Variants in KRT7 observed in about 807,000 individuals in gnomAD.
KRT7 encodes keratin 7.
Under a neutral mutation model 42.8 loss-of-function variants are expected in KRT7, and 50 were observed. The ratio of observed to expected loss-of-function variants is 1.17; its 90% CI spans 0.93 to 1.48. KRT7 has a LOEUF of 1.48. KRT7 is among the 40% of genes most tolerant of loss of function. The pLI is 0.00. For missense variants in KRT7, 588 were observed against 637.6 expected, an observed-to-expected ratio of 0.92 and a Z score of 0.84; for synonymous variants, 268 against 266.3, an observed-to-expected ratio of 1.01 and a Z score of -0.06.
intron 7 of KRT7, among the ~76,000 whole-genome samples, chr12:52,246,894 T>A (rs925060853): frequency 6.6e-6 from 1 of 151,928 alleles, no homozygotes; most frequent in Non-Finnish European, 1.5e-5. Flanking sequence ...CTTCCTCCCA[T>A]GGGAAGAAAA....
At chr12:52,234,144 C>CCCCTCCCCT (rs1191662645) in intron 1 of KRT7, among the ~76,000 whole-genome samples, 1 of 149,854 alleles carries the variant, frequency 6.7e-6, no homozygotes, top group Non-Finnish European at 1.5e-5. Flanking sequence ...GGGGCTCCCG[C>CCCCTCCCCT]CCCTCCCCTC....
At chr12:52,238,801 T>A (rs759030717) in intron 4 of KRT7, 26 bp downstream of exon 4, 1 of 1,404,172 alleles carries the variant, frequency 7.1e-7, no homozygotes, top group Non-Finnish European at 1.0e-6. Context: ...CTGGGTGACA[T>A]GTCTTATCCT....
downstream of KRT7, chr12:52,255,232 C>T (rs535964417): frequency 5.0e-5 from 20 of 403,914 alleles, no homozygotes; most frequent in East Asian, 8.0e-4. Flanking sequence ...TCCACCTCTC[C>T]GAACTACAGA....
intron 7 of KRT7, chr12:52,247,055 G>GGGAACA (rs1420056488): frequency 1.3e-5 from 2 of 152,160 alleles, no homozygotes; most frequent in Non-Finnish European, 2.9e-5. Flanking sequence ...CCAACCCTGG[G>GGGAACA]GGGATATGGA....
chr12:52,240,643 A>G (rs549309170), intron 4 of KRT7, among the ~76,000 whole-genome samples: 3 of 152,140 alleles, frequency 2.0e-5, no homozygotes, highest in South Asian at 4.1e-4. Flanking sequence ...AAAAAAGAAA[A>G]AAAAAAGAAA....
At chr12:52,244,480 G>T (rs1942140782) in intron 6 of KRT7, 3 of 985,872 alleles carry the variant, frequency 3.0e-6, no homozygotes, top group African/African-American at 3.5e-5. Flanking sequence ...GGGGGCACCA[G>T]TGTGACAGGG....
downstream of KRT7, chr12:52,250,407 G>T (rs1166102358): frequency 4.8e-6 from 2 of 413,300 alleles, no homozygotes; most frequent in Non-Finnish European, 9.2e-6. Flanking sequence ...GGAGCTCCGG[G>T]CTGCCTCTGG....
rs141337745 is a variant in KRT7 at position 52,243,045 on chromosome 12, G to C, written c.892G>C (p.Gly298Arg). The stretch of plus-strand genomic sequence containing the variant: ...CCTCCAGGCCCAGGCTGGGAAGCAT[G>C]GGGACGACCTCCGGAATACCCGGAA... ...ETLQAQAGKHGDDLRNTRNEI... is the reference protein window; with the variant it reads ...ETLQAQAGKHRDDLRNTRNEI... The change falls in exon 6 of 9, where the codon GGG becomes CGG. Residue 298 changes from glycine to arginine, a missense_variant. By Grantham distance (125) the Gly-to-Arg change is moderately radical (BLOSUM62 -2). Coordinates refer to ENST00000331817, the MANE Select transcript of KRT7 (RefSeq NM_005556.4). 5.1e-5 allele frequency: 82 copies of C among 1,613,758 alleles called. No individual in the cohort carries two copies. Among genetic ancestry groups the C allele is most frequent in the Non-Finnish European group, 6.5e-5 (77 of 1,179,886 alleles).
chr12:52,254,342 C>T (rs752767601), downstream of KRT7: 6 of 863,312 alleles, frequency 6.9e-6, no homozygotes, highest in Non-Finnish European at 1.1e-5. Flanking sequence ...GTCTGATTTG[C>T]GCAGGTAGGC....
chr12:52,245,131 C>T (rs1296706817), intron 6 of KRT7: 7 of 538,422 alleles, frequency 1.3e-5, no homozygotes, highest in Non-Finnish European at 2.3e-5. Context: ...TCATTTCATC[C>T]TCAAAATCTC....
At chr12:52,244,248 G>A (rs1451633863) in intron 6 of KRT7, 30 of 884,848 alleles carry the variant, frequency 3.4e-5, no homozygotes, top group Non-Finnish European at 4.1e-5. Flanking sequence ...CACAGAGGCA[G>A]GGCCGTGAGT....
At chr12:52,243,288 G>T in intron 6 of KRT7, 151 bp downstream of exon 6, 6 of 908,856 alleles carry the variant, frequency 6.6e-6, no homozygotes, top group Non-Finnish European at 9.7e-6. Context: ...CTCCAGCACA[G>T]AATGTTCTTG....
chr12:52,253,458 C>T, downstream of KRT7: 1 of 1,534,426 alleles, frequency 6.5e-7, no homozygotes, highest in South Asian at 1.1e-5. Context: ...GGCAGTCCTG[C>T]CCTGCTACCC....
At chr12:52,252,273 G>GC (rs1565725651), downstream of KRT7, 1 of 1,612,968 alleles carries the variant, frequency 6.2e-7, no homozygotes, top group South Asian at 1.1e-5. Flanking sequence ...TCTGCTCCTC[G>GC]CCCTCCAGCA....
downstream of KRT7, chr12:52,253,240 T>C (rs762184245): frequency 1.8e-4 from 289 of 1,609,938 alleles, no homozygotes; most frequent in Non-Finnish European, 2.4e-4. Flanking sequence ...CCACCTCGGC[T>C]GTCAGCCTCT....
chr12:52,244,412 G>A (rs1457929192), intron 6 of KRT7: 4 of 985,600 alleles, frequency 4.1e-6, no homozygotes, highest in African/African-American at 3.5e-5. Flanking sequence ...CCACCACTGA[G>A]GGGCGTCATG....
chr12:52,252,402 G>A (rs781760120), downstream of KRT7: 21 of 1,613,994 alleles, frequency 1.3e-5, no homozygotes, highest in African/African-American at 1.7e-4. Context: ...CTCCAGCTCG[G>A]CCAGCTTGCA....
chr12:52,250,590 C>G, downstream of KRT7: 1 of 1,266,408 alleles, frequency 7.9e-7, no homozygotes, highest in Non-Finnish European at 1.1e-6. Context: ...CGGCCGGGAG[C>G]CCGACACGCA....
At chr12:52,253,302 C>A (rs1942295481), downstream of KRT7, 7 of 1,612,872 alleles carry the variant, frequency 4.3e-6, no homozygotes, top group Non-Finnish European at 5.1e-6. Flanking sequence ...CGCAGGGTCT[C>A]CCCGTGCCTG....
Sources: allele counts gnomAD v4.1 joint callset (sites outside exome capture counted in the v4.1 genomes callset), GRCh38; gene constraint gnomAD v4.1.1; transcripts MANE v1.5; gene names NCBI Gene and HGNC (gene_info 2026-07-23, HGNC 2026-07-21).